Variants in CREBBP observed in about 807,000 individuals in gnomAD.
CREBBP encodes the protein CREB binding lysine acetyltransferase.
In CREBBP, 19 loss-of-function variants were observed where a neutral mutation model predicts 265.0. The observed-to-expected ratio is 0.07, with a 90% CI of 0.05 to 0.11. The LOEUF (loss-of-function observed/expected upper bound fraction) is 0.11. CREBBP is among the 10% of genes least tolerant of loss of function. The pLI is 1.00. For missense variants in CREBBP, 2,525 were observed against 3,219.0 expected, an observed-to-expected ratio of 0.78 and a Z score of 5.22; for synonymous variants, 1,457 against 1,223.7, an observed-to-expected ratio of 1.19 and a Z score of -3.98.
At chr16:3,822,465 G>C (rs911711065) in intron 2 of CREBBP, among the ~76,000 whole-genome samples, 1 of 152,146 alleles carries the variant, frequency 6.6e-6, no homozygotes, top group Non-Finnish European at 1.5e-5. Context: ...TCTACTTTGG[G>C]GCAGGAAAAC....
In CREBBP at chr16:3,736,670, G is replaced by C. The variant is rs1471683943; in HGVS notation, c.4540C>G (p.Arg1514Gly). 1 of 1,614,156 alleles carries C rather than the reference G, an allele frequency of 6.2e-7. No individual in the cohort carries two copies. The highest frequency in any genetic ancestry group is 1.7e-5 in the Admixed American group (1 of 60,026). ...GGTACCTTGTAGTCATGGATGATCC[G>C]CTCTGCAAACGCCTTGTCCAGCATC... The part of the protein sequence containing the change: ...KKMLDKAFAE[R>G]IIHDYKDIFK... The change falls in exon 27 of 31, where the codon CGG (arginine) becomes GGG (glycine). Residue 1514 changes from arginine (R) to glycine (G), a missense_variant. Around this residue, in one of 19 missense-constraint regions of CREBBP, gnomAD observed 93 missense variants for 161.5 expected, o/e 0.58. Transcript: ENST00000262367.
At chr16:3,828,323 G>A (rs957633070) in intron 2 of CREBBP, among the ~76,000 whole-genome samples, 2 of 152,016 alleles carry the variant, frequency 1.3e-5, no homozygotes, top group African/African-American at 2.4e-5. Context: ...AACTCACGAC[G>A]TCAGGTGATC....
At chr16:3,856,496 T>G (rs1025617747) in intron 1 of CREBBP, among the ~76,000 whole-genome samples, 1 of 152,130 alleles carries the variant, frequency 6.6e-6, no homozygotes, top group Non-Finnish European at 1.5e-5. Context: ...AAAAAAATTT[T>G]TTTTTGTAGA....
intron 3 of CREBBP, among the ~76,000 whole-genome samples, chr16:3,796,149 A>T (rs1172587379): frequency 6.6e-6 from 1 of 152,234 alleles, no homozygotes; most frequent in Non-Finnish European, 1.5e-5. Flanking sequence ...AAAAAATTAT[A>T]TAAAAATTAG....
intron 2 of CREBBP, among the ~76,000 whole-genome samples, chr16:3,816,458 G>T (rs1347552726): frequency 6.6e-6 from 1 of 152,138 alleles, no homozygotes; most frequent in African/African-American, 2.4e-5. Context: ...CTCTGATGAG[G>T]AAATTCCTCT....
chr16:3,866,428 G>A (rs1352314155), intron 1 of CREBBP, among the ~76,000 whole-genome samples: 2 of 152,048 alleles, frequency 1.3e-5, no homozygotes, highest in Admixed American at 1.3e-4. Flanking sequence ...GCGCCTCTTA[G>A]GGGTAATTTG....
intron 3 of CREBBP, among the ~76,000 whole-genome samples, chr16:3,807,088 T>C (rs1279715532): frequency 6.6e-6 from 1 of 152,154 alleles, no homozygotes; most frequent in Non-Finnish European, 1.5e-5. Context: ...AAAAGTGGAG[T>C]GAGCTCTGTG....
intron 1 of CREBBP, among the ~76,000 whole-genome samples, chr16:3,861,979 C>T (rs2055085239): frequency 6.6e-6 from 1 of 152,134 alleles, no homozygotes; most frequent in Admixed American, 6.5e-5. Context: ...CGGCCGGCAG[C>T]CCCCACCCTC....
At chr16:3,873,470 A>G (rs966905374) in intron 1 of CREBBP, among the ~76,000 whole-genome samples, 4 of 152,198 alleles carry the variant, frequency 2.6e-5, no homozygotes, top group African/African-American at 7.2e-5. Context: ...ACGAGCACAC[A>G]TGGCTTCTGT....
At chr16:3,870,618 A>G (rs111264735) in intron 1 of CREBBP, among the ~76,000 whole-genome samples, 43 of 152,288 alleles carry the variant, frequency 2.8e-4, no homozygotes, top group Non-Finnish European at 1.2e-4. Context: ...TTTCTTACAA[A>G]CTGGTTCCCA....
At chr16:3,835,876 G>A (rs181128369) in intron 2 of CREBBP, among the ~76,000 whole-genome samples, 7 of 151,472 alleles carry the variant, frequency 4.6e-5, no homozygotes, top group Middle Eastern at 3.4e-3. Context: ...CACCGCGCCC[G>A]GCAGAAGATT....
intron 20 of CREBBP, among the ~76,000 whole-genome samples, chr16:3,751,112 A>G (rs1474232317): frequency 6.6e-6 from 1 of 152,206 alleles, no homozygotes; most frequent in African/African-American, 2.4e-5. Flanking sequence ...AACCACTAGG[A>G]AAAAGCAATT....
Position 3,728,617 on chromosome 16 carries a change from C to T in CREBBP, c.6430G>A (p.Ala2144Thr), listed in dbSNP as rs751482596. ...HQQPSLQNLN[A>T]MQAGVPRPGV... ...GGCCGCGGCACGCCAGCCTGCATGG[C>T]ATTCAGGTTCTGCAGGCTGGGCTGC... is the stretch of plus-strand genomic sequence containing the variant. The change falls in exon 31 of 31, where the codon GCC becomes ACC. Residue 2144 changes from alanine to threonine, a missense_variant. Transcript: ENST00000262367. This position sits in a 1 kb window ranked among gnomAD's most constrained non-coding sequence, Gnocchi z 8.7. 1.9e-6 allele frequency: 3 copies of T among 1,613,672 alleles called. No individual in the cohort carries two copies. Among genetic ancestry groups the T allele is most frequent in the South Asian group, 2.2e-5 (2 of 91,056 alleles).
intron 5 of CREBBP, among the ~76,000 whole-genome samples, chr16:3,790,556 TAG>T (rs1368822621): frequency 6.6e-6 from 1 of 152,048 alleles, no homozygotes; most frequent in Non-Finnish European, 1.5e-5. Context: ...GTGTTTTTAG[TAG>T]AGACTGGTCT....
intron 16 of CREBBP, among the ~76,000 whole-genome samples, chr16:3,762,933 G>C (rs2052758419): frequency 6.6e-6 from 1 of 151,910 alleles, no homozygotes; most frequent in African/African-American, 2.4e-5. Context: ...TGTCACCATG[G>C]CCGGCTAATT....
At chr16:3,745,089 G>T in intron 22 of CREBBP, 128 bp from the exon 23 acceptor site, 1 of 902,606 alleles carries the variant, frequency 1.1e-6, no homozygotes, top group Non-Finnish European at 1.8e-6. Context: ...GAGTGAAGAG[G>T]CAGACTGCTT....
At position 3,748,433 on chromosome 16, in the gene CREBBP, C is replaced by G. The variant is rs550393314; in HGVS notation, c.3836+1194G>C. On this transcript the variant is annotated intron_variant, in intron 21 of 30. Transcript: ENST00000262367. ...TGGGCGCTCTGCCCTGGCATCTCGC[C>G]AAGACTACAGCTCTAGGATTTCACA... is the stretch of plus-strand genomic sequence containing the variant. 2.8e-4 allele frequency among the ~76,000 whole-genome samples: 43 copies of G among 152,348 alleles called. No individual in the cohort carries two copies. In the South Asian group the frequency reaches 8.9e-3, roughly 32 times the overall value.
intron 2 of CREBBP, among the ~76,000 whole-genome samples, chr16:3,819,552 C>T (rs1019536003): frequency 2.0e-5 from 3 of 152,018 alleles, no homozygotes; most frequent in African/African-American, 2.4e-5. Flanking sequence ...AGGGAGAGGC[C>T]GGCTGGGATT....
At position 3,849,593 on chromosome 16, in the gene CREBBP, A is replaced by G. The variant is rs1176105717; in HGVS notation, c.798+704T>C. ...GCCACATTGCCCAGGCTGGTCTCAAACTCCTAGAGTTGAGCTATCCACCCA... is the reference window on the plus strand; with the variant it reads ...GCCACATTGCCCAGGCTGGTCTCAAGCTCCTAGAGTTGAGCTATCCACCCA... On this transcript the variant is annotated intron_variant, in intron 2 of 30. Transcript: ENST00000262367. Among the ~76,000 whole-genome samples, 3 of 139,132 alleles carry G rather than the reference A, an allele frequency of 2.2e-5. No individual in the cohort carries two copies. In the Admixed American group the frequency reaches 2.3e-4, roughly 11 times the overall value. 91.3% of individuals were successfully genotyped at this position (139,132 alleles called of 152,430 possible). A position where few individuals can be genotyped will look rare whatever the true frequency, so the allele number is the denominator to read the frequency against.
Sources: gnomAD v4.1 joint callset for allele counts (sites outside exome capture counted in the v4.1 genomes callset) on GRCh38, gnomAD v4.1.1 for gene constraint, gnomAD v4.1.1 regional missense constraint, Gnocchi (gnomAD v3.1) non-coding constraint, MANE v1.5 for transcripts, NCBI Gene and HGNC (gene_info 2026-07-23, HGNC 2026-07-21) for gene names.